The following NAA60 variants were observed in gnomAD, a reference collection of about 807,000 sequenced individuals.
NAA60 encodes N-alpha-acetyltransferase 60.
NAA60 carries 8 observed loss-of-function variants against 26.1 expected under a neutral mutation model. That is an observed-to-expected ratio of 0.31 (90% CI 0.18 to 0.55). The LOEUF is 0.55. Among genes scored for constraint, NAA60 ranks in the 20% least tolerant of loss-of-function variants. The pLI is 0.93. For synonymous variants in NAA60, 131 were observed against 122.5 expected (o/e 1.07, Z -0.46); for missense variants, 290 against 311.3 (o/e 0.93, Z 0.51).
chr16:3,469,533 A>G (rs138570993), intron 2 of NAA60, among the ~76,000 whole-genome samples: 18 of 104,638 alleles, frequency 1.7e-4, no homozygotes, highest in Non-Finnish European at 2.5e-4. Context: ...CTGCCCTGGT[A>G]CCCATCCTGT....
chr16:3,481,759 G>A (rs1377569580), intron 4 of NAA60, among the ~76,000 whole-genome samples: 2 of 152,204 alleles, frequency 1.3e-5, no homozygotes, highest in South Asian at 2.1e-4. Context: ...TGATAAGGAC[G>A]CCTTCCTCCC....
Position 3,485,481 on chromosome 16 carries a change from C to G in NAA60, c.*221C>G, listed in dbSNP as rs1044599845. 2.2e-6 allele frequency: 1 copy of G among 457,022 alleles called. No individual in the cohort carries two copies. Among genetic ancestry groups the G allele is most frequent in the Non-Finnish European group, 4.4e-6 (1 of 227,260 alleles). 28.3% of individuals were successfully genotyped at this position (457,022 alleles called of 1,614,324 possible). A position where few individuals can be genotyped will look rare whatever the true frequency, so the allele number is the denominator to read the frequency against. On this transcript the variant is annotated 3_prime_UTR_variant, in exon 8 of 8. Coordinates refer to ENST00000407558, the MANE Select transcript of NAA60 (RefSeq NM_001083601.3). Reference sequence around the variant, plus strand: ...CTTTCCCACAGGCTCTTCAGCTCCCCTCCCTGCTTCTGGAAACCTCTGCCT... The same window carrying G: ...CTTTCCCACAGGCTCTTCAGCTCCCGTCCCTGCTTCTGGAAACCTCTGCCT...
At chr16:3,477,969 G>A (rs2036587169) in intron 3 of NAA60, among the ~76,000 whole-genome samples, 1 of 152,052 alleles carries the variant, frequency 6.6e-6, no homozygotes, top group Admixed American at 6.5e-5. Flanking sequence ...GGAGGCTGAG[G>A]CAGGAGAATC....
rs557481312 is a variant in NAA60, at chr16:3,485,757, T to G, written c.*497T>G. 2 of 441,244 alleles carry G rather than the reference T, an allele frequency of 4.5e-6. No individual in the cohort carries two copies. The highest frequency in any genetic ancestry group is 1.4e-4 in the East Asian group (2 of 14,106). 27.3% of individuals were successfully genotyped at this position (441,244 alleles called of 1,614,324 possible). ...GCAATAAAGGGAATGGCCCGTCCCC[T>G]TCCAGAACCAGCCCAAAGAAGCCTG... On this transcript the variant is annotated 3_prime_UTR_variant, in exon 8 of 8. Coordinates refer to ENST00000407558, the MANE Select transcript of NAA60 (RefSeq NM_001083601.3).
At chr16:3,463,593 A>G (rs1232365522) in intron 2 of NAA60, among the ~76,000 whole-genome samples, 3 of 148,828 alleles carry the variant, frequency 2.0e-5, no homozygotes, top group Non-Finnish European at 4.4e-5. Flanking sequence ...GCGCGGATGC[A>G]GTGGCTGAGA....
chr16:3,484,741 C>T lies in NAA60; in HGVS notation c.615C>T (p.Ser205=), dbSNP rs1247398872. The T allele has an allele frequency of 8.8e-6, 14 of 1,595,986 alleles. No individual in the cohort carries two copies. Among genetic ancestry groups the T allele is most frequent in the East Asian group, 6.9e-5 (3 of 43,646 alleles). Residue 205 remains serine (S), a synonymous_variant, in exon 7 of 8, where the codon AGC becomes AGT. Coordinates refer to ENST00000407558, the MANE Select transcript of NAA60 (RefSeq NM_001083601.3). The part of the protein sequence containing the change: ...QHLGSALASL[S]PCSIPHRVYR... ...TGGGCTCTGCACTAGCCAGCCTGAGCCCCTGCTCCATTCCGCACAGAGTCT... is the reference window on the plus strand; with the variant it reads ...TGGGCTCTGCACTAGCCAGCCTGAGTCCCTGCTCCATTCCGCACAGAGTCT...
intron 2 of NAA60, among the ~76,000 whole-genome samples, chr16:3,471,224 C>T (rs1489414604): frequency 3.3e-5 from 5 of 151,136 alleles, no homozygotes; most frequent in South Asian, 2.1e-4. Flanking sequence ...TTGACTGGGC[C>T]GGGCGCGGTG....
chr16:3,477,408 C>T (rs1161147556), intron 3 of NAA60, among the ~76,000 whole-genome samples: 1 of 152,368 alleles, frequency 6.6e-6, no homozygotes, highest in East Asian at 1.9e-4. Context: ...GAACCTCATG[C>T]TCTTGGCAGG....
intron 2 of NAA60, among the ~76,000 whole-genome samples, chr16:3,467,206 G>A (rs1006441804): frequency 5.3e-5 from 8 of 152,156 alleles, no homozygotes; most frequent in African/African-American, 1.7e-4. Flanking sequence ...TTCAGGCCAC[G>A]GCTGAGAAGC....
chr16:3,448,834 G>C (rs2034656668), intron 2 of NAA60: 2 of 268,854 alleles, frequency 7.4e-6, no homozygotes, highest in Non-Finnish European at 1.4e-5. Context: ...GAGTCTGATG[G>C]GTAAGCCCAG....
chr16:3,484,038 C>A (rs910304811), intron 6 of NAA60, among the ~76,000 whole-genome samples: 1 of 152,190 alleles, frequency 6.6e-6, no homozygotes, highest in Admixed American at 6.5e-5. Context: ...GGGTTCAAAC[C>A]TTCCTTATAG....
At chr16:3,462,346 A>G (rs1237663109) in intron 2 of NAA60, among the ~76,000 whole-genome samples, 3 of 152,194 alleles carry the variant, frequency 2.0e-5, no homozygotes, top group Non-Finnish European at 2.9e-5. Flanking sequence ...TAATGCAACA[A>G]TATTTCCCTC....
intron 4 of NAA60, among the ~76,000 whole-genome samples, chr16:3,481,620 C>T (rs1168027448): frequency 1.3e-5 from 2 of 152,182 alleles, no homozygotes. Flanking sequence ...CTGGCCTGCA[C>T]GCTGGCACTC....
At chr16:3,481,393 C>G (rs1251768615) in intron 4 of NAA60, among the ~76,000 whole-genome samples, 2 of 152,184 alleles carry the variant, frequency 1.3e-5, no homozygotes, top group African/African-American at 4.8e-5. Context: ...CCTGATCTCT[C>G]TTGTTAATGG....
intron 2 of NAA60, among the ~76,000 whole-genome samples, chr16:3,471,252 A>T (rs1464514163): frequency 6.6e-6 from 1 of 152,174 alleles, no homozygotes. Flanking sequence ...CTGTAATCCC[A>T]GCGCTTTGGG....
chr16:3,478,163 G>A (rs959768801), intron 3 of NAA60, among the ~76,000 whole-genome samples: 10 of 152,168 alleles, frequency 6.6e-5, no homozygotes, highest in African/African-American at 2.2e-4. Context: ...TTGAACCCGC[G>A]AGTCAGAGGT....
Position 3,454,633 on chromosome 16 carries a change from AAG to A in NAA60, c.-7+6103_-7+6104del, listed in dbSNP as rs1286099089. Among the ~76,000 whole-genome samples, 5 of 152,316 alleles carry A rather than the reference AAG, an allele frequency of 3.3e-5. 1 individual carries two copies. The highest frequency in any genetic ancestry group is 2.0e-4 in the Admixed American group (3 of 15,296). ...AAGAAACACTCAAACACAGCAAAAAAAGAGAGAGAGAAAGGAACCATGAAAGC... is the reference window on the plus strand; with the variant it reads ...AAGAAACACTCAAACACAGCAAAAAAAGAGAGAGAAAGGAACCATGAAAGC... On this transcript the variant is annotated intron_variant, in intron 2 of 7. Transcript: ENST00000407558.
rs1436359789 is a variant in NAA60, at chr16:3,482,564, G to A, written c.303G>A (p.Leu101=). The A allele has an allele frequency of 1.9e-6, 3 of 1,608,926 alleles. No homozygotes were observed. Among genetic ancestry groups the A allele is most frequent in the Non-Finnish European group, 2.5e-6 (3 of 1,177,718 alleles). Reference sequence around the variant, plus strand: ...CACAAGTCGCGTACATCCTAAGTCTGGGCGTCGTGAAAGAGTTCAGGAAGC... The same window carrying A: ...CACAAGTCGCGTACATCCTAAGTCTAGGCGTCGTGAAAGAGTTCAGGAAGC... ...VDTQVAYILS[L]GVVKEFRKHG... The change falls in exon 5 of 8, where the codon CTG becomes CTA. Residue 101 remains leucine (L), a synonymous_variant. Coordinates refer to ENST00000407558, the MANE Select transcript of NAA60 (RefSeq NM_001083601.3).
At chr16:3,448,654 T>C in intron 2 of NAA60, 114 bp downstream of exon 2, 1 of 840,278 alleles carries the variant, frequency 1.2e-6, no homozygotes, top group South Asian at 1.8e-5. Flanking sequence ...TCTTAATTTT[T>C]AGTACTGAAT....
Sources: gnomAD v4.1 joint callset for allele counts (sites outside exome capture counted in the v4.1 genomes callset) on GRCh38, gnomAD v4.1.1 for gene constraint, MANE v1.5 for transcripts, NCBI Gene and HGNC (gene_info 2026-07-23, HGNC 2026-07-21) for gene names.